Variants in PPP6R3 observed in about 807,000 individuals in gnomAD.
PPP6R3 encodes the protein serine/threonine-protein phosphatase 6 regulatory subunit 3.
A neutral mutation model predicts 110.7 loss-of-function variants in PPP6R3; 38 were observed. The ratio of observed to expected loss-of-function variants is 0.34; its 90% CI spans 0.26 to 0.45. The LOEUF (loss-of-function observed/expected upper bound fraction) is 0.45. PPP6R3 is among the 20% of genes least tolerant of loss of function. The probability of loss-of-function intolerance (pLI) is 1.00; values close to 1 mark genes in which losing one functional copy is unlikely to be tolerated. For synonymous variants in PPP6R3, 369 were observed against 373.5 expected, an observed-to-expected ratio of 0.99 and a Z score of 0.14; for missense variants, 870 against 1,062.4, an observed-to-expected ratio of 0.82 and a Z score of 2.52.
rs900619644 is a variant in PPP6R3, at chr11:68,615,100, G to A, written c.*1983G>A. 1 of 463,686 alleles carries A rather than the reference G, an allele frequency of 2.2e-6. No individual in the cohort carries two copies. The highest frequency in any genetic ancestry group is 2.0e-5 in the African/African-American group (1 of 50,304). The allele number at this position is 463,686 out of a possible 1,614,324, so 28.7% of individuals were successfully genotyped here. A position where few individuals can be genotyped will look rare whatever the true frequency, so the allele number is the denominator to read the frequency against. On this transcript the variant is annotated 3_prime_UTR_variant, in exon 24 of 24. Coordinates refer to ENST00000393800, the MANE Select transcript of PPP6R3 (RefSeq NM_001164161.2). ...AGAGAGCCTCTGGGACTTTTCTTTG[G>A]GGCATCATTTTGTTTTGTCTTTCGT...
chr11:68,471,434 G>A (rs1462704332), intron 1 of PPP6R3, among the ~76,000 whole-genome samples: 6 of 152,286 alleles, frequency 3.9e-5, no homozygotes, highest in Non-Finnish European at 7.4e-5. Context: ...GGAAAGTGTT[G>A]TCACGGAGGA....
rs770119658 is a variant in PPP6R3, at chr11:68,603,510, C to G, written c.2450+18C>G. ...TTCAAAAGGTAACCAGGGGTGAGATCCTGCTGGTAGCTTCAGGTTATTGGG... is the reference window on the plus strand; with the variant it reads ...TTCAAAAGGTAACCAGGGGTGAGATGCTGCTGGTAGCTTCAGGTTATTGGG... On this transcript the variant is annotated intron_variant, in intron 22 of 23. Transcript: ENST00000393800. 1 of 1,613,794 alleles carries G rather than the reference C, an allele frequency of 6.2e-7. No individual in the cohort carries two copies. The highest frequency in any genetic ancestry group is 1.1e-5 in the South Asian group (1 of 91,040).
At chr11:68,611,238 C>T (rs1403746737) in intron 23 of PPP6R3, among the ~76,000 whole-genome samples, 1 of 152,112 alleles carries the variant, frequency 6.6e-6, no homozygotes, top group Non-Finnish European at 1.5e-5. Flanking sequence ...TATTTCAGCT[C>T]TCTGATTTCT....
chr11:68,480,260 C>T (rs2098896168), intron 1 of PPP6R3, among the ~76,000 whole-genome samples: 1 of 152,098 alleles, frequency 6.6e-6, no homozygotes, highest in Non-Finnish European at 1.5e-5. Context: ...AAACTTATTT[C>T]CTCTTGTGTT....
intron 7 of PPP6R3, among the ~76,000 whole-genome samples, chr11:68,557,339 A>G (rs1318110162): frequency 6.6e-6 from 1 of 152,130 alleles, no homozygotes; most frequent in East Asian, 1.9e-4. Context: ...CCCAAAATAG[A>G]AAGAGATTCT....
intron 23 of PPP6R3, among the ~76,000 whole-genome samples, chr11:68,612,272 G>T (rs983865439): frequency 2.0e-5 from 3 of 152,202 alleles, no homozygotes; most frequent in Non-Finnish European, 4.4e-5. Flanking sequence ...TGTGTGCAGA[G>T]CTGACTTTTT....
intron 1 of PPP6R3, among the ~76,000 whole-genome samples, chr11:68,516,372 T>C (rs769681319): frequency 1.6e-4 from 25 of 152,188 alleles, no homozygotes; most frequent in African/African-American, 5.3e-4. Flanking sequence ...ACACAGTTAA[T>C]TTAAAATATT....
intron 23 of PPP6R3, chr11:68,612,752 A>G (rs1350832888): frequency 1.0e-5 from 3 of 300,488 alleles, no homozygotes; most frequent in Non-Finnish European, 1.9e-5. Context: ...TCTGGAAGCC[A>G]CAGTTTATAC....
At chr11:68,495,689 TACTC>T (rs1249891752) in intron 1 of PPP6R3, among the ~76,000 whole-genome samples, 2 of 152,252 alleles carry the variant, frequency 1.3e-5, no homozygotes, top group Non-Finnish European at 2.9e-5. Context: ...TGTCAAATAA[TACTC>T]ATTATGTGGG....
chr11:68,497,479 A>C (rs186170131), intron 1 of PPP6R3, among the ~76,000 whole-genome samples: 37 of 152,200 alleles, frequency 2.4e-4, no homozygotes, highest in Non-Finnish European at 5.1e-4. Context: ...CAGCCTCCTG[A>C]GTAGCTGGGA....
At chr11:68,526,660 C>T (rs1489455645) in intron 2 of PPP6R3, among the ~76,000 whole-genome samples, 1 of 152,202 alleles carries the variant, frequency 6.6e-6, no homozygotes, top group Non-Finnish European at 1.5e-5. Flanking sequence ...TTTCCTTCAT[C>T]TCTTAAGAAG....
intron 22 of PPP6R3, chr11:68,609,395 G>T: frequency 1.4e-6 from 1 of 702,388 alleles, no homozygotes; most frequent in Non-Finnish European, 2.6e-6. Context: ...AAGCTGATGG[G>T]GTCTGTCTTG....
chr11:68,500,639 G>A lies in PPP6R3; in HGVS notation c.-157-18862G>A, dbSNP rs188725529. ...ACTGCAGGTACGTGCCACCACGCCC[G>A]GCTAATTTTTGTATTTTTAGTAGAG... On this transcript the variant is annotated intron_variant, in intron 1 of 23. Coordinates refer to ENST00000393800, the MANE Select transcript of PPP6R3 (RefSeq NM_001164161.2). Among the ~76,000 whole-genome samples the A allele has an allele frequency of 2.1e-3, 315 of 152,128 alleles. 1 individual carries two copies. Among genetic ancestry groups the A allele is most frequent in the African/African-American group, 7.1e-3 (295 of 41,498 alleles).
intron 12 of PPP6R3, among the ~76,000 whole-genome samples, chr11:68,572,037 T>G (rs1356374885): frequency 1.3e-5 from 2 of 152,146 alleles, no homozygotes; most frequent in Admixed American, 6.6e-5. Flanking sequence ...AATCGTTTAA[T>G]AAGCACTGCT....
chr11:68,573,877 A>G (rs2099520071), intron 12 of PPP6R3, among the ~76,000 whole-genome samples: 1 of 152,186 alleles, frequency 6.6e-6, no homozygotes, highest in Non-Finnish European at 1.5e-5. Flanking sequence ...TGGCCTGTTG[A>G]CTGAGGCTGC....
chr11:68,495,930 C>T (rs2099012684), intron 1 of PPP6R3, among the ~76,000 whole-genome samples: 1 of 152,196 alleles, frequency 6.6e-6, no homozygotes, highest in Non-Finnish European at 1.5e-5. Context: ...AGTGTCTACA[C>T]CATTTTACAT....
At chr11:68,479,798 G>C (rs566305284) in intron 1 of PPP6R3, among the ~76,000 whole-genome samples, 1 of 151,908 alleles carries the variant, frequency 6.6e-6, no homozygotes, top group Admixed American at 6.6e-5. Context: ...GAGTGCAGTG[G>C]TGCTATCCTG....
rs748376581 is a variant in PPP6R3 at position 68,508,121 on chromosome 11, C to CTTTTTTTT, written c.-157-11362_-157-11355dup. 1.2e-3 allele frequency among the ~76,000 whole-genome samples: 95 copies of CTTTTTTTT among 77,624 alleles called. 2 individuals are homozygous for CTTTTTTTT. The highest frequency in any genetic ancestry group is 2.7e-3 in the African/African-American group (44 of 16,446). 50.9% of individuals were successfully genotyped at this position (77,624 alleles called of 152,430 possible). The stretch of plus-strand genomic sequence containing the variant: ...CCCCGGCCTAAGTGAGTTTTTTGGC[C>CTTTTTTTT]TTTTTTTTTTTTTTTTTTTTTTTTT... On this transcript the variant is annotated intron_variant, in intron 1 of 23. Transcript: ENST00000393800.
At chr11:68,605,121 C>A (rs1007804467) in intron 22 of PPP6R3, among the ~76,000 whole-genome samples, 3 of 152,162 alleles carry the variant, frequency 2.0e-5, no homozygotes, top group African/African-American at 7.2e-5. Context: ...AGACAGATTG[C>A]TTGAGCCCAG....
Sources: gnomAD v4.1 joint callset for allele counts (sites outside exome capture counted in the v4.1 genomes callset) on GRCh38, gnomAD v4.1.1 for gene constraint, MANE v1.5 for transcripts, NCBI Gene and HGNC (gene_info 2026-07-23, HGNC 2026-07-21) for gene names.